Variants in KIF26B observed in about 807,000 individuals in gnomAD.
KIF26B encodes kinesin-like protein KIF26B.
A neutral mutation model predicts 151.2 loss-of-function variants in KIF26B; 63 were observed. The ratio of observed to expected loss-of-function variants is 0.42; its 90% CI spans 0.34 to 0.51. The LOEUF (loss-of-function observed/expected upper bound fraction) is 0.51. KIF26B is among the 20% of genes least tolerant of loss of function. The probability of loss-of-function intolerance (pLI) is 0.07; values close to 1 mark genes in which losing one functional copy is unlikely to be tolerated. For missense variants in KIF26B, 2,813 were observed against 2,913.6 expected, an observed-to-expected ratio of 0.97 and a Z score of 0.79; for synonymous variants, 1,357 against 1,262.1, an observed-to-expected ratio of 1.08 and a Z score of -1.59.
chr1:245,679,461 T>TG (rs2044402074), intron 10 of KIF26B, among the ~76,000 whole-genome samples: 1 of 101,334 alleles, frequency 9.9e-6, no homozygotes, highest in Admixed American at 9.5e-5. Flanking sequence ...GTGTGTGTTT[T>TG]TTTTTTTTTT....
intron 3 of KIF26B, among the ~76,000 whole-genome samples, chr1:245,409,254 A>G (rs1674216707): frequency 1.3e-5 from 2 of 152,202 alleles, no homozygotes; most frequent in Non-Finnish European, 2.9e-5. Context: ...TAAGCCACAC[A>G]TGTTGGAACT....
chr1:245,469,855 AAGG>A (rs1659872670), intron 4 of KIF26B, among the ~76,000 whole-genome samples: 1 of 152,212 alleles, frequency 6.6e-6, no homozygotes, highest in Non-Finnish European at 1.5e-5. Context: ...TGTGGTCTGT[AAGG>A]AGGATACAAT....
intron 4 of KIF26B, among the ~76,000 whole-genome samples, chr1:245,537,056 A>T (rs1207612705): frequency 1.3e-5 from 2 of 152,240 alleles, no homozygotes; most frequent in African/African-American, 4.8e-5. Context: ...GTCAGGTTGT[A>T]AGAAGTGCCT....
chr1:245,430,974 C>A (rs994736538), intron 4 of KIF26B, among the ~76,000 whole-genome samples: 9 of 152,168 alleles, frequency 5.9e-5, no homozygotes, highest in Non-Finnish European at 1.0e-4. Flanking sequence ...GAAGCTCCAG[C>A]ACCTAAAAGA....
intron 2 of KIF26B, among the ~76,000 whole-genome samples, chr1:245,205,180 A>G (rs1573706972): frequency 6.6e-6 from 1 of 152,284 alleles, no homozygotes; most frequent in African/African-American, 2.4e-5. Flanking sequence ...GCCGTAGAGT[A>G]CATTCTAAAC....
chr1:245,225,213 T>G (rs918440593), intron 2 of KIF26B, among the ~76,000 whole-genome samples: 5 of 152,276 alleles, frequency 3.3e-5, no homozygotes, highest in Middle Eastern at 3.4e-3. Context: ...GCAGTAACCT[T>G]GGGTGGGAGA....
chr1:245,257,915 G>A (rs529350052), intron 2 of KIF26B, among the ~76,000 whole-genome samples: 2 of 152,168 alleles, frequency 1.3e-5, no homozygotes, highest in Non-Finnish European at 2.9e-5. Context: ...CCAGCTACTC[G>A]GGAGGCTGAG....
chr1:245,670,869 C>T (rs962653254), intron 10 of KIF26B, among the ~76,000 whole-genome samples: 3 of 152,146 alleles, frequency 2.0e-5, no homozygotes, highest in Non-Finnish European at 2.9e-5. Context: ...TTCAATTACA[C>T]TCTTTTAGGT....
intron 4 of KIF26B, among the ~76,000 whole-genome samples, chr1:245,502,289 G>T (rs2103079384): frequency 6.6e-6 from 1 of 152,284 alleles, no homozygotes; most frequent in Non-Finnish European, 1.5e-5. Context: ...AGCACTTTGG[G>T]AGGCCGAGGT....
At chr1:245,162,002 C>T (rs936598884) in intron 2 of KIF26B, among the ~76,000 whole-genome samples, 4 of 152,176 alleles carry the variant, frequency 2.6e-5, no homozygotes, top group African/African-American at 4.8e-5. Context: ...CTTATATTTA[C>T]GTGCACCCAT....
At chr1:245,559,297 C>T (rs1245415756) in intron 5 of KIF26B, among the ~76,000 whole-genome samples, 1 of 152,166 alleles carries the variant, frequency 6.6e-6, no homozygotes, top group Non-Finnish European at 1.5e-5. Flanking sequence ...TGTGATTGTA[C>T]CACTGCACTC....
intron 2 of KIF26B, among the ~76,000 whole-genome samples, chr1:245,303,197 CTTT>C (rs757473264): frequency 6.8e-5 from 7 of 102,580 alleles, no homozygotes; most frequent in Non-Finnish European, 7.6e-5. Context: ...ACTAAATGTT[CTTT>C]TTTTTTTTTT....
chr1:245,560,362 T>C lies in KIF26B; in HGVS notation c.1350+19412T>C, dbSNP rs75170671. On this transcript the variant is annotated intron_variant, in intron 5 of 14. Coordinates refer to ENST00000407071, the MANE Select transcript of KIF26B (RefSeq NM_018012.4). The surrounding 1 kb of genome is among the most constrained non-coding windows in gnomAD (Gnocchi z 4.3). The stretch of plus-strand genomic sequence containing the variant: ...GAGAGGAGAGAGACTTGTTGAGCTA[T>C]GCGTGGAGTGCTGCCTGACAGCTTG... Among the ~76,000 whole-genome samples, 5,983 of 152,252 alleles carry C rather than the reference T, an allele frequency of 0.039. 146 individuals carry two copies. The highest frequency in any genetic ancestry group is 0.095 in the Middle Eastern group (28 of 294).
intron 10 of KIF26B, among the ~76,000 whole-genome samples, chr1:245,651,537 G>A (rs905758430): frequency 6.6e-6 from 1 of 152,160 alleles, no homozygotes; most frequent in Non-Finnish European, 1.5e-5. Flanking sequence ...CTCAAGGTCT[G>A]GGAAGCTGGG....
At position 245,525,626 on chromosome 1, in the gene KIF26B, A is replaced by C. The variant is rs533165795; in HGVS notation, c.1167-15141A>C. On this transcript the variant is annotated intron_variant, in intron 4 of 14. Transcript: ENST00000407071. The stretch of plus-strand genomic sequence containing the variant: ...CAAGGAAAAGATGATTGATTGGTTG[A>C]TTGATTATATAACATGAGTTACATT... Among the ~76,000 whole-genome samples the C allele has an allele frequency of 4.6e-5, 7 of 152,348 alleles. No homozygotes were observed. The South Asian group carries it at 8.3e-4, about 18-fold the overall frequency.
chr1:245,630,283 A>G (rs995709882), intron 9 of KIF26B, among the ~76,000 whole-genome samples: 2 of 152,220 alleles, frequency 1.3e-5, no homozygotes, highest in Non-Finnish European at 2.9e-5. Flanking sequence ...ACATGCACAC[A>G]TATATTTATT....
At position 245,706,338 on chromosome 1, in the gene KIF26B, A is replaced by G. The variant is rs1287541873; in HGVS notation, c.*3732A>G. On this transcript the variant is annotated 3_prime_UTR_variant, in exon 15 of 15. Transcript: ENST00000407071. ...TTGGGTGTGTATCTCATGTCCTTGTAAACCAGCCACCTTCTTTGGATAGAA... is the reference window on the plus strand; with the variant it reads ...TTGGGTGTGTATCTCATGTCCTTGTGAACCAGCCACCTTCTTTGGATAGAA... 1 of 152,222 alleles carries G rather than the reference A, an allele frequency of 6.6e-6. No homozygotes were observed. Among genetic ancestry groups the G allele is most frequent in the Non-Finnish European group, 1.5e-5 (1 of 68,040 alleles). 9.4% of individuals were successfully genotyped at this position (152,222 alleles called of 1,614,324 possible). A position where few individuals can be genotyped will look rare whatever the true frequency, so the allele number is the denominator to read the frequency against.
rs200986320 is a variant in KIF26B at position 245,397,213 on chromosome 1, A to T, written c.1000-22366A>T. ...TCTTGATCCTGTTTTCCACATGTTC[A>T]TTTTTTTTTTTCTTTTTTTGAGACA... is the stretch of plus-strand genomic sequence containing the variant. On this transcript the variant is annotated intron_variant, in intron 3 of 14. Transcript: ENST00000407071. Among the ~76,000 whole-genome samples, 20 of 148,126 alleles carry T rather than the reference A, an allele frequency of 1.4e-4. No individual in the cohort carries two copies. In the South Asian group the frequency reaches 4.3e-3, roughly 32 times the overall value.
At chr1:245,660,722 G>C (rs1421446800) in intron 10 of KIF26B, among the ~76,000 whole-genome samples, 1 of 152,134 alleles carries the variant, frequency 6.6e-6, no homozygotes, top group East Asian at 1.9e-4. Flanking sequence ...AAGCACCTAC[G>C]TTGCTCTCTA....
Sources: allele counts gnomAD v4.1 joint callset (sites outside exome capture counted in the v4.1 genomes callset), GRCh38; gene constraint gnomAD v4.1.1; non-coding constraint Gnocchi (gnomAD v3.1); transcripts MANE v1.5; gene names NCBI Gene and HGNC (gene_info 2026-07-23, HGNC 2026-07-21).